The following UBE2R2 variants were observed in gnomAD, a reference collection of about 807,000 sequenced individuals.
UBE2R2 encodes ubiquitin conjugating enzyme E2 R2, also known as ubiquitin-conjugating enzyme E2 R2.
In UBE2R2, 1 loss-of-function variant was observed where a neutral mutation model predicts 27.8. That is an observed-to-expected ratio of 0.04 (90% CI 0.01 to 0.17). The LOEUF is 0.17. Ranked by LOEUF, UBE2R2 falls within the 10% of genes least tolerant of loss-of-function variation. The probability of loss-of-function intolerance (pLI) is 1.00; values close to 1 mark genes in which losing one functional copy is unlikely to be tolerated. For synonymous variants in UBE2R2, 106 were observed against 113.3 expected (o/e 0.94, Z 0.41); for missense variants, 100 against 291.0 (o/e 0.34, Z 4.78).
chr9:33,910,332 A>G (rs1410238451), intron 3 of UBE2R2, among the ~76,000 whole-genome samples: 1 of 152,052 alleles, frequency 6.6e-6, no homozygotes, highest in Non-Finnish European at 1.5e-5. Context: ...TATTTTTAGT[A>G]GAGACGGGGT....
At chr9:33,892,467 T>A (rs1038994813) in intron 2 of UBE2R2, among the ~76,000 whole-genome samples, 4 of 152,206 alleles carry the variant, frequency 2.6e-5, no homozygotes, top group African/African-American at 9.6e-5. Flanking sequence ...AAAAAATTGC[T>A]GATTATTTTA....
intron 1 of UBE2R2, among the ~76,000 whole-genome samples, chr9:33,848,522 G>A (rs1186682151): frequency 6.6e-6 from 1 of 152,040 alleles, no homozygotes; most frequent in Non-Finnish European, 1.5e-5. Flanking sequence ...GTTTTCAAAA[G>A]ACTTAGTATA....
At chr9:33,895,290 C>CATTT (rs1456986960) in intron 2 of UBE2R2, among the ~76,000 whole-genome samples, 2 of 152,100 alleles carry the variant, frequency 1.3e-5, no homozygotes, top group Non-Finnish European at 2.9e-5. Context: ...GTCCCACTAC[C>CATTT]ATTTATTGAA....
chr9:33,817,133 C>T (rs1009770538), upstream of UBE2R2, among the ~76,000 whole-genome samples: 1 of 151,394 alleles, frequency 6.6e-6, no homozygotes, highest in Non-Finnish European at 1.5e-5. Context: ...GCCCCTCCTC[C>T]CTCTCTCCCT....
chr9:33,879,400 T>C (rs993204990), intron 1 of UBE2R2, among the ~76,000 whole-genome samples: 1 of 152,234 alleles, frequency 6.6e-6, no homozygotes, highest in Non-Finnish European at 1.5e-5. Flanking sequence ...TCATCTATTC[T>C]ACATAAATTT....
At position 33,918,548 on chromosome 9, in the gene UBE2R2, A is replaced by C. The variant is rs984223928; in HGVS notation, c.*1311A>C. ...ACTTGCTGCAGCTTTGATTTTCCAG[A>C]TCTCAATCGTGTTGCTTCAATCAAT... On this transcript the variant is annotated 3_prime_UTR_variant, in exon 5 of 5. Coordinates refer to ENST00000263228, the MANE Select transcript of UBE2R2 (RefSeq NM_017811.4). 1 of 152,076 alleles carries C rather than the reference A, an allele frequency of 6.6e-6. No individual in the cohort carries two copies. Among genetic ancestry groups the C allele is most frequent in the Non-Finnish European group, 1.5e-5 (1 of 68,016 alleles). The allele number at this position is 152,076 out of a possible 1,614,324, so 9.4% of individuals were successfully genotyped here.
intron 2 of UBE2R2, among the ~76,000 whole-genome samples, chr9:33,899,756 C>T (rs557933931): frequency 1.3e-5 from 2 of 152,306 alleles, no homozygotes; most frequent in East Asian, 1.9e-4. Context: ...GCCTTGGCCT[C>T]CCAAGTGCTA....
At chr9:33,887,635 TAA>T (rs1821890223) in intron 2 of UBE2R2, among the ~76,000 whole-genome samples, 1 of 150,192 alleles carries the variant, frequency 6.7e-6, no homozygotes, top group African/African-American at 2.4e-5. Context: ...CACTATTCTA[TAA>T]GTGTGCTTTT....
At chr9:33,911,903 G>A in intron 3 of UBE2R2, 61 bp from the exon 4 acceptor site, 1 of 1,480,416 alleles carries the variant, frequency 6.8e-7, no homozygotes, top group Non-Finnish European at 9.1e-7. Flanking sequence ...TTAAAAAGCA[G>A]AATACTTTTA....
Position 33,863,475 on chromosome 9 carries a change from G to A in UBE2R2, c.178-23406G>A, listed in dbSNP as rs151288076. Among the ~76,000 whole-genome samples the A allele has an allele frequency of 1.9e-4, 29 of 151,372 alleles. No individual in the cohort carries two copies. The East Asian group carries it at 2.3e-3, about 12-fold the overall frequency. On this transcript the variant is annotated intron_variant, in intron 1 of 4. Transcript: ENST00000263228. ...TGCAGTGAGCCGAGATCAAGATTGCGTTGCCAGTGTACTTCAGCCTGGGGG... is the reference window on the plus strand; with the variant it reads ...TGCAGTGAGCCGAGATCAAGATTGCATTGCCAGTGTACTTCAGCCTGGGGG...
Position 33,919,488 on chromosome 9 carries a change from T to C in UBE2R2, c.*2251T>C, listed in dbSNP as rs992420440. 6.6e-6 allele frequency: 1 copy of C among 152,258 alleles called. No individual in the cohort carries two copies. Among genetic ancestry groups the C allele is most frequent in the Non-Finnish European group, 1.5e-5 (1 of 68,082 alleles). 9.4% of individuals were successfully genotyped at this position (152,258 alleles called of 1,614,324 possible). ...AGGCCCTATTGGCCTCTGTTAGACA[T>C]TGACTCAGGGAGCCGGAGCGCCAAG... is the stretch of plus-strand genomic sequence containing the variant. On this transcript the variant is annotated 3_prime_UTR_variant, in exon 5 of 5. Transcript: ENST00000263228.
intron 1 of UBE2R2, among the ~76,000 whole-genome samples, chr9:33,866,242 C>CTT (rs777392325): frequency 1.6e-4 from 23 of 144,854 alleles, no homozygotes; most frequent in African/African-American, 4.8e-4. Context: ...ATGTAATTAA[C>CTT]TTTTTTTTTT....
intron 1 of UBE2R2, among the ~76,000 whole-genome samples, chr9:33,843,004 T>C (rs1820761842): frequency 6.7e-6 from 1 of 148,602 alleles, no homozygotes; most frequent in East Asian, 2.0e-4. Context: ...TGAGTGACAG[T>C]TGTGAGACCG....
At chr9:33,853,183 T>C (rs1797804873) in intron 1 of UBE2R2, among the ~76,000 whole-genome samples, 1 of 151,666 alleles carries the variant, frequency 6.6e-6, no homozygotes, top group Non-Finnish European at 1.5e-5. Flanking sequence ...CTATCTGTAC[T>C]TGGTTCTGAG....
chr9:33,820,572 CTT>C (rs1825963860), intron 1 of UBE2R2, among the ~76,000 whole-genome samples: 1 of 152,056 alleles, frequency 6.6e-6, no homozygotes, highest in Non-Finnish European at 1.5e-5. Context: ...TAAGACAAGG[CTT>C]TTAGTGTATT....
At chr9:33,877,823 G>GTCTGTC in intron 1 of UBE2R2, among the ~76,000 whole-genome samples, 2,543 of 130,984 alleles carry the variant, frequency 0.019, 41 homozygotes, top group Non-Finnish European at 0.027. Context: ...CTGTCTGTCT[G>GTCTGTC]TCTCTCTCTC....
At chr9:33,881,247 T>C (rs181157078) in intron 1 of UBE2R2, among the ~76,000 whole-genome samples, 45 of 152,344 alleles carry the variant, frequency 3.0e-4, no homozygotes, top group African/African-American at 1.0e-3. Flanking sequence ...TCCAGCTTTA[T>C]TAACTAATCT....
At chr9:33,874,576 A>G (rs1048465116) in intron 1 of UBE2R2, among the ~76,000 whole-genome samples, 2 of 149,288 alleles carry the variant, frequency 1.3e-5, no homozygotes, top group African/African-American at 5.1e-5. Context: ...ATGTATATAT[A>G]TTATTATTAT....
chr9:33,822,241 G>A (rs552515773), intron 1 of UBE2R2, among the ~76,000 whole-genome samples: 64 of 150,868 alleles, frequency 4.2e-4, no homozygotes, highest in Non-Finnish European at 8.4e-4. Flanking sequence ...ACAGGCATGC[G>A]CCACCATGCC....
Sources: allele counts gnomAD v4.1 joint callset (sites outside exome capture counted in the v4.1 genomes callset), GRCh38; gene constraint gnomAD v4.1.1; transcripts MANE v1.5; gene names NCBI Gene and HGNC (gene_info 2026-07-23, HGNC 2026-07-21).